PPP2R2C: variants seen among roughly 807,000 people sequenced by gnomAD.
The protein encoded by PPP2R2C is protein phosphatase 2 regulatory subunit Bgamma.
A neutral mutation model predicts 45.3 loss-of-function variants in PPP2R2C; 10 were observed. That is an observed-to-expected ratio of 0.22 (90% CI 0.14 to 0.37). The LOEUF (loss-of-function observed/expected upper bound fraction) is 0.37, where lower values mean the gene tolerates loss of function less well. Ranked by LOEUF, PPP2R2C falls within the 10% of genes least tolerant of loss-of-function variation. The pLI is 1.00. For synonymous variants in PPP2R2C, 257 were observed against 245.4 expected, an observed-to-expected ratio of 1.05 and a Z score of -0.44; for missense variants, 308 against 619.7, an observed-to-expected ratio of 0.50 and a Z score of 5.34.
intron 6 of PPP2R2C, among the ~76,000 whole-genome samples, chr4:6,337,409 C>T (rs1449683431): frequency 6.6e-6 from 1 of 151,812 alleles, no homozygotes; most frequent in Non-Finnish European, 1.5e-5. Context: ...CCTGGTGGCC[C>T]CCAGCACCTG....
chr4:6,374,507 G>A (rs1715137094), intron 4 of PPP2R2C, among the ~76,000 whole-genome samples: 1 of 152,218 alleles, frequency 6.6e-6, no homozygotes, highest in African/African-American at 2.4e-5. Context: ...CAAAAGGCAA[G>A]AGGGGACACA....
intron 1 of PPP2R2C, among the ~76,000 whole-genome samples, chr4:6,465,964 T>C (rs1721571760): frequency 6.6e-6 from 1 of 152,210 alleles, no homozygotes. Flanking sequence ...TTCTGTGTAA[T>C]CATTTTCAGT....
At chr4:6,553,946 A>G (rs1725272050) in intron 1 of PPP2R2C, among the ~76,000 whole-genome samples, 1 of 152,074 alleles carries the variant, frequency 6.6e-6, no homozygotes, top group African/African-American at 2.4e-5. Flanking sequence ...ACTTTCACAG[A>G]CTGTGGCCCT....
intron 1 of PPP2R2C, among the ~76,000 whole-genome samples, chr4:6,547,405 TAGC>T (rs1321820741): frequency 6.6e-6 from 1 of 151,836 alleles, no homozygotes; most frequent in African/African-American, 2.4e-5. Flanking sequence ...ACCAAGGAAA[TAGC>T]AGATTCTCGC....
intron 1 of PPP2R2C, among the ~76,000 whole-genome samples, chr4:6,438,431 G>C (rs1253589598): frequency 1.3e-5 from 2 of 152,196 alleles, no homozygotes; most frequent in Admixed American, 1.3e-4. Context: ...CAGTTTGGAA[G>C]AGTTTGGTGG....
chr4:6,432,652 G>A lies in PPP2R2C; in HGVS notation c.70+39508C>T, dbSNP rs568365436. Among the ~76,000 whole-genome samples, 23 of 152,308 alleles carry A rather than the reference G, an allele frequency of 1.5e-4. No individual in the cohort carries two copies. In the South Asian group the frequency reaches 1.9e-3, roughly 12 times the overall value. On this transcript the variant is annotated intron_variant, in intron 1 of 8. Transcript: ENST00000382599. ...AGGGCTTCTGGGACAACACGCATAC[G>A]CATTTCTATTTCTGTACATAACATA...
intron 1 of PPP2R2C, among the ~76,000 whole-genome samples, chr4:6,437,036 G>T (rs988477466): frequency 1.3e-5 from 2 of 152,198 alleles, no homozygotes; most frequent in African/African-American, 2.4e-5. Flanking sequence ...TCCAGAAATT[G>T]TAAGAGCTGT....
At chr4:6,509,082 C>T (rs1723339827) in intron 2 of PPP2R2C, among the ~76,000 whole-genome samples, 1 of 152,228 alleles carries the variant, frequency 6.6e-6, no homozygotes. Context: ...CAGACCCACA[C>T]GGATTTGCCA....
upstream of PPP2R2C, among the ~76,000 whole-genome samples, chr4:6,476,855 G>A (rs925025406): frequency 1.3e-5 from 2 of 152,018 alleles, no homozygotes; most frequent in Non-Finnish European, 2.9e-5. Flanking sequence ...ATATTCTATG[G>A]CAGAAATACA....
chr4:6,412,882 A>T (rs1718280965), intron 1 of PPP2R2C, among the ~76,000 whole-genome samples: 1 of 152,216 alleles, frequency 6.6e-6, no homozygotes, highest in African/African-American at 2.4e-5. Flanking sequence ...GTGAGGACAC[A>T]ACAGGAAGTC....
intron 5 of PPP2R2C, chr4:6,351,332 AATT>A: frequency 1.8e-5 from 17 of 947,922 alleles, no homozygotes; most frequent in African/African-American, 3.5e-5. Flanking sequence ...TAAATAAATT[AATT>A]AATTAATTAA....
At chr4:6,425,197 G>A (rs1228716952) in intron 1 of PPP2R2C, among the ~76,000 whole-genome samples, 1 of 152,110 alleles carries the variant, frequency 6.6e-6, no homozygotes, top group African/African-American at 2.4e-5. Flanking sequence ...ACAGCTCCCT[G>A]TCCCCCCACC....
intron 1 of PPP2R2C, among the ~76,000 whole-genome samples, chr4:6,414,242 G>T (rs982824199): frequency 1.3e-5 from 2 of 152,074 alleles, no homozygotes; most frequent in African/African-American, 2.4e-5. Context: ...TTCATCAGAG[G>T]CCAGGCAGGC....
intron 1 of PPP2R2C, among the ~76,000 whole-genome samples, chr4:6,561,624 A>AAC (rs1262589603): frequency 1.3e-5 from 2 of 151,984 alleles, no homozygotes; most frequent in African/African-American, 4.8e-5. Flanking sequence ...GAGAGACACA[A>AAC]ACACACACAC....
At chr4:6,369,664 C>T (rs562792154) in intron 5 of PPP2R2C, among the ~76,000 whole-genome samples, 28 of 152,280 alleles carry the variant, frequency 1.8e-4, no homozygotes, top group East Asian at 1.2e-3. Flanking sequence ...CTCATGCATC[C>T]GCCTCCTGCA....
At chr4:6,381,327 G>A in intron 1 of PPP2R2C, 1 of 1,517,566 alleles carries the variant, frequency 6.6e-7, no homozygotes, top group South Asian at 1.2e-5. Context: ...CTCGGGACTT[G>A]GCACAGGCCT....
At chr4:6,447,274 G>A (rs888102420) in intron 1 of PPP2R2C, among the ~76,000 whole-genome samples, 7 of 152,136 alleles carry the variant, frequency 4.6e-5, no homozygotes, top group Non-Finnish European at 4.4e-5. Context: ...AAGGTCCCTC[G>A]CACCCTTCCG....
In PPP2R2C at chr4:6,441,756, G is replaced by A. The variant is rs1176530443; in HGVS notation, c.70+30404C>T. ...AGGGGTGGTGCTGTAGAAAGGAGGG[G>A]ATGGGGCCCAGCCACACACATGCAA... On this transcript the variant is annotated intron_variant, in intron 1 of 8. Coordinates refer to ENST00000382599, the MANE Select transcript of PPP2R2C (RefSeq NM_020416.4). Among the ~76,000 whole-genome samples, 8 of 152,308 alleles carry A rather than the reference G, an allele frequency of 5.3e-5. No individual in the cohort carries two copies. The East Asian group carries it at 1.4e-3, about 26-fold the overall frequency.
chr4:6,381,028 C>A lies in PPP2R2C; in HGVS notation c.137G>T (p.Gly46Val), dbSNP rs2109313232. The A allele has an allele frequency of 6.4e-7, 1 of 1,559,050 alleles. No homozygotes were observed. The change falls in exon 2 of 9, where the codon GGC becomes GTC. Residue 46 changes from glycine (G) to valine (V), a missense_variant. Transcript: ENST00000382599. ...TTCCCGCTGGAAGATGACGACCCGGCCGCCCTTGTCACCTGTGGCCAGCAG... is the reference window on the plus strand; with the variant it reads ...TTCCCGCTGGAAGATGACGACCCGGACGCCCTTGTCACCTGTGGCCAGCAG... ...GELLATGDKG[G>V]RVVIFQREPE...
Sources: allele counts gnomAD v4.1 joint callset (sites outside exome capture counted in the v4.1 genomes callset), GRCh38; gene constraint gnomAD v4.1.1; transcripts MANE v1.5; gene names NCBI Gene and HGNC (gene_info 2026-07-23, HGNC 2026-07-21).